Variants in RALGAPA2 observed in about 807,000 individuals in gnomAD.
The protein encoded by RALGAPA2 is ral GTPase-activating protein subunit alpha-2.
Under a neutral mutation model 230.4 loss-of-function variants are expected in RALGAPA2, and 139 were observed. That is an observed-to-expected ratio of 0.60 (90% confidence interval 0.53 to 0.69). The LOEUF (loss-of-function observed/expected upper bound fraction) is 0.69. Ranked by LOEUF, RALGAPA2 falls within the 30% of genes least tolerant of loss-of-function variation. The pLI, the probability that RALGAPA2 is intolerant of heterozygous loss-of-function variation, is 0.00. For missense variants in RALGAPA2, 2,163 were observed against 2,276.0 expected (o/e 0.95, Z 1.01); for synonymous variants, 847 against 837.8 (o/e 1.01, Z -0.19).
At chr20:20,628,920 G>T (rs1603120763) in intron 10 of RALGAPA2, among the ~76,000 whole-genome samples, 1 of 151,910 alleles carries the variant, frequency 6.6e-6, no homozygotes, top group African/African-American at 2.4e-5. Flanking sequence ...ATCATATTGT[G>T]AGTGCCACAC....
At chr20:20,543,643 C>T (rs2145685414) in intron 24 of RALGAPA2, among the ~76,000 whole-genome samples, 1 of 152,266 alleles carries the variant, frequency 6.6e-6, no homozygotes, top group East Asian at 1.9e-4. Flanking sequence ...AAAAACCAAA[C>T]ACTGCATGTT....
intron 1 of RALGAPA2, among the ~76,000 whole-genome samples, chr20:20,703,001 T>C (rs941156291): frequency 5.9e-5 from 9 of 151,822 alleles, no homozygotes; most frequent in African/African-American, 1.2e-4. Context: ...GGCAAAACCT[T>C]GTCTCTACTA....
At chr20:20,528,153 G>T (rs976682779) in intron 27 of RALGAPA2, among the ~76,000 whole-genome samples, 1 of 152,184 alleles carries the variant, frequency 6.6e-6, no homozygotes. Context: ...GGATACAGGG[G>T]GCTGCAGGCA....
intron 7 of RALGAPA2, 28 bp downstream of exon 7, chr20:20,639,756 CA>C (rs1269810969): frequency 7.0e-7 from 1 of 1,423,326 alleles, no homozygotes; most frequent in Non-Finnish European, 9.9e-7. Flanking sequence ...ATAAACCCAT[CA>C]CTGAAATAGT....
intron 23 of RALGAPA2, 103 bp downstream of exon 23, chr20:20,571,355 T>A: frequency 7.9e-7 from 1 of 1,268,242 alleles, no homozygotes; most frequent in Non-Finnish European, 1.1e-6. Flanking sequence ...TACTGAGAAA[T>A]TCAACACTTC....
intron 9 of RALGAPA2, among the ~76,000 whole-genome samples, chr20:20,631,880 C>A (rs1342509594): frequency 6.6e-6 from 1 of 152,172 alleles, no homozygotes; most frequent in African/African-American, 2.4e-5. Context: ...ACTCTTTCTC[C>A]CTCCCTACCA....
chr20:20,511,157 T>C, intron 33 of RALGAPA2, 97 bp downstream of exon 33: 1 of 1,510,372 alleles, frequency 6.6e-7, no homozygotes, highest in African/African-American at 1.4e-5. Flanking sequence ...TACCCTTGGA[T>C]GTCTCAGTAA....
intron 3 of RALGAPA2, among the ~76,000 whole-genome samples, chr20:20,674,824 G>C (rs976652492): frequency 6.6e-6 from 1 of 152,182 alleles, no homozygotes; most frequent in Non-Finnish European, 1.5e-5. Flanking sequence ...ACAAATATGT[G>C]TGGCAAAGCC....
At chr20:20,422,628 A>C (rs1007290397) in intron 37 of RALGAPA2, among the ~76,000 whole-genome samples, 4 of 152,204 alleles carry the variant, frequency 2.6e-5, no homozygotes, top group Non-Finnish European at 4.4e-5. Context: ...ATGTACTGTG[A>C]GGAAGGCCTG....
rs2068491281 is a variant in RALGAPA2 at position 20,680,792 on chromosome 20, T to C, written c.116A>G (p.Asp39Gly). 1.3e-6 allele frequency: 2 copies of C among 1,570,576 alleles called. No homozygotes were observed. The highest frequency in any genetic ancestry group is 1.7e-6 in the Non-Finnish European group (2 of 1,165,742). The change falls in exon 2 of 40, where the codon GAT (aspartate) becomes GGT (glycine). Residue 39 changes from aspartate (D) to glycine (G), a missense_variant. Coordinates refer to ENST00000202677, the MANE Select transcript of RALGAPA2 (RefSeq NM_020343.4). ...KHLRALLDNV[D>G]ANDLKQFFET... is the part of the protein sequence containing the mutation. Reference sequence around the variant, plus strand: ...AAAAAACTGCTTAAGATCATTTGCATCCACATTATCTGAAAAGAAAAAGTT... The same window carrying C: ...AAAAAACTGCTTAAGATCATTTGCACCCACATTATCTGAAAAGAAAAAGTT...
chr20:20,507,703 C>T (rs956818480), intron 33 of RALGAPA2, among the ~76,000 whole-genome samples: 4 of 152,184 alleles, frequency 2.6e-5, no homozygotes, highest in South Asian at 2.1e-4. Flanking sequence ...AACTTGTCCT[C>T]ATGCAGCAGG....
chr20:20,545,419 CTT>C (rs1018628759), intron 24 of RALGAPA2, among the ~76,000 whole-genome samples: 1 of 152,086 alleles, frequency 6.6e-6, no homozygotes, highest in Non-Finnish European at 1.5e-5. Flanking sequence ...TTTCACTTCT[CTT>C]TGTTTTCTAA....
intron 35 of RALGAPA2, among the ~76,000 whole-genome samples, chr20:20,496,972 G>A (rs991115944): frequency 3.3e-5 from 5 of 152,142 alleles, no homozygotes; most frequent in African/African-American, 9.7e-5. Flanking sequence ...ATGCAACTGC[G>A]GGTGCTGAGC....
Position 20,437,498 on chromosome 20 carries a change from C to T in RALGAPA2, c.5496-25350G>A, listed in dbSNP as rs748825940. Among the ~76,000 whole-genome samples, 16 of 152,220 alleles carry T rather than the reference C, an allele frequency of 1.1e-4. No homozygotes were observed. Among genetic ancestry groups the T allele is most frequent in the African/African-American group, 3.6e-4 (15 of 41,454 alleles). On this transcript the variant is annotated intron_variant, in intron 37 of 39. Transcript: ENST00000202677. The surrounding 1 kb of genome is among the most constrained non-coding windows in gnomAD (Gnocchi z 4.1). ...GATGGCTCCCACCTCACAGGAAAAG[C>T]GGAAGTCCTTACTGTGGCTGGCAAG... is the stretch of plus-strand genomic sequence containing the variant.
intron 36 of RALGAPA2, among the ~76,000 whole-genome samples, chr20:20,475,589 A>G (rs2123422982): frequency 6.6e-6 from 1 of 152,316 alleles, no homozygotes; most frequent in African/African-American, 2.4e-5. Flanking sequence ...AATAGAAGGG[A>G]AATGCCTCAA....
intron 23 of RALGAPA2, among the ~76,000 whole-genome samples, chr20:20,549,796 T>C (rs1433589014): frequency 6.6e-6 from 1 of 152,166 alleles, no homozygotes; most frequent in African/African-American, 2.4e-5. Context: ...AAGACACAGC[T>C]ATAACAGAAG....
At chr20:20,611,207 G>C in intron 14 of RALGAPA2, 108 bp downstream of exon 14, 1 of 1,359,190 alleles carries the variant, frequency 7.4e-7, no homozygotes, top group Non-Finnish European at 9.6e-7. Flanking sequence ...AAAATTTCTA[G>C]AAATTTAAAT....
intron 33 of RALGAPA2, among the ~76,000 whole-genome samples, chr20:20,508,268 A>G (rs2062594843): frequency 6.6e-6 from 1 of 152,254 alleles, no homozygotes; most frequent in South Asian, 2.1e-4. Context: ...TGAAATGATA[A>G]TTAGCAACAT....
At chr20:20,610,106 G>A (rs892433018) in intron 14 of RALGAPA2, among the ~76,000 whole-genome samples, 1 of 150,262 alleles carries the variant, frequency 6.7e-6, no homozygotes, top group African/African-American at 2.5e-5. Flanking sequence ...CCATATTCTA[G>A]ATATGCTTTT....
Sources: allele counts gnomAD v4.1 joint callset (sites outside exome capture counted in the v4.1 genomes callset), GRCh38; gene constraint gnomAD v4.1.1; non-coding constraint Gnocchi (gnomAD v3.1); transcripts MANE v1.5; gene names NCBI Gene and HGNC (gene_info 2026-07-23, HGNC 2026-07-21).